The following SBF2 variants were observed in gnomAD, a reference collection of about 807,000 sequenced individuals.
The protein encoded by SBF2 is SET binding factor 2.
A neutral mutation model predicts 225.2 loss-of-function variants in SBF2; 112 were observed. That is an observed-to-expected ratio of 0.50 (90% CI 0.43 to 0.58). The LOEUF (loss-of-function observed/expected upper bound fraction) is 0.58. Among genes scored for constraint, SBF2 ranks in the 20% least tolerant of loss-of-function variants. The pLI, the probability that SBF2 is intolerant of heterozygous loss-of-function variation, is 0.00. For synonymous variants in SBF2, 763 were observed against 773.3 expected (o/e 0.99, Z 0.22); for missense variants, 1,996 against 2,206.2 (o/e 0.90, Z 1.91).
chr11:9,895,017 C>A (rs1590359317), intron 17 of SBF2, among the ~76,000 whole-genome samples: 2 of 152,056 alleles, frequency 1.3e-5, no homozygotes, highest in African/African-American at 4.8e-5. Flanking sequence ...AACAAAATTT[C>A]TCTGTTCAAA....
intron 17 of SBF2, among the ~76,000 whole-genome samples, chr11:9,882,045 C>T (rs541209741): frequency 7.2e-5 from 11 of 152,256 alleles, no homozygotes; most frequent in Non-Finnish European, 5.9e-5. Flanking sequence ...CCTTGTAACA[C>T]CACAGATCTT....
rs188449507 is a variant in SBF2, at chr11:10,190,108, G to A, written c.141+3794C>T. On this transcript the variant is annotated intron_variant, in intron 2 of 39. Transcript: ENST00000256190. ...AGAGGCTGCAGTGAGCCAAGATTGC[G>A]CCACTGCACTCCAGCCTGGGCAACA... is the stretch of plus-strand genomic sequence containing the variant. Among the ~76,000 whole-genome samples, 492 of 150,988 alleles carry A rather than the reference G, an allele frequency of 3.3e-3. 2 individuals carry two copies. Among genetic ancestry groups the A allele is most frequent in the East Asian group, 0.014 (69 of 5,104 alleles).
At chr11:9,790,443 T>A in intron 34 of SBF2, 113 bp downstream of exon 34, 1 of 885,582 alleles carries the variant, frequency 1.1e-6, no homozygotes, top group Non-Finnish European at 1.7e-6. Context: ...CTTTTTGGTA[T>A]GAAACCTAGT....
intron 2 of SBF2, among the ~76,000 whole-genome samples, chr11:10,075,197 T>C (rs1462314784): frequency 6.6e-6 from 1 of 152,238 alleles, no homozygotes; most frequent in African/African-American, 2.4e-5. Flanking sequence ...ATAATTTTGG[T>C]AAATTACCTA....
At chr11:9,992,851 A>C (rs183960176) in intron 11 of SBF2, 139 bp downstream of exon 11, 1 of 646,580 alleles carries the variant, frequency 1.5e-6, no homozygotes, top group Admixed American at 3.0e-5. Flanking sequence ...TTAAGAACTG[A>C]TATCTAACCA....
At chr11:9,980,858 G>T (rs886641208) in intron 13 of SBF2, among the ~76,000 whole-genome samples, 8 of 152,210 alleles carry the variant, frequency 5.3e-5, no homozygotes, top group Admixed American at 2.6e-4. Context: ...GAGCCACTGC[G>T]CCCAGCAATA....
At chr11:10,002,360 T>C (rs1164764034) in intron 7 of SBF2, among the ~76,000 whole-genome samples, 197 bp downstream of exon 7, 1 of 152,190 alleles carries the variant, frequency 6.6e-6, no homozygotes, top group Admixed American at 6.5e-5. Context: ...TTTACACTAA[T>C]CAACATTCAG....
chr11:10,157,266 C>T (rs192834957), intron 2 of SBF2, among the ~76,000 whole-genome samples: 6 of 152,250 alleles, frequency 3.9e-5, no homozygotes, highest in Non-Finnish European at 8.8e-5. Context: ...CAAAAATTAA[C>T]TCAAGATGGA....
chr11:9,828,879 C>T (rs534418690), intron 28 of SBF2, among the ~76,000 whole-genome samples: 1 of 149,482 alleles, frequency 6.7e-6, no homozygotes, highest in Admixed American at 6.6e-5. Context: ...CACTTCCTCT[C>T]CAATTACTCT....
At chr11:9,946,729 C>G (rs1215752075) in intron 16 of SBF2, among the ~76,000 whole-genome samples, 1 of 152,190 alleles carries the variant, frequency 6.6e-6, no homozygotes, top group East Asian at 1.9e-4. Flanking sequence ...GGATTACAGG[C>G]TTGAGCCACT....
intron 16 of SBF2, among the ~76,000 whole-genome samples, chr11:9,920,750 A>T (rs1239353821): frequency 6.6e-6 from 1 of 152,308 alleles, no homozygotes; most frequent in African/African-American, 2.4e-5. Flanking sequence ...TGGATATTAA[A>T]TTGCAATGTG....
At chr11:9,835,814 T>C (rs1288242327) in intron 26 of SBF2, among the ~76,000 whole-genome samples, 1 of 152,146 alleles carries the variant, frequency 6.6e-6, no homozygotes, top group Non-Finnish European at 1.5e-5. Flanking sequence ...TTGTTCATTT[T>C]CATTACTGTA....
At chr11:10,080,248 C>CAAA (rs34181436) in intron 2 of SBF2, among the ~76,000 whole-genome samples, 43 of 82,090 alleles carry the variant, frequency 5.2e-4, no homozygotes, top group South Asian at 4.7e-3. Context: ...AACTCTGTCT[C>CAAA]AAAAAAAAAA....
intron 1 of SBF2, among the ~76,000 whole-genome samples, chr11:10,230,294 C>G (rs7928530): frequency 6.6e-6 from 1 of 151,968 alleles, no homozygotes; most frequent in Non-Finnish European, 1.5e-5. Context: ...TTAATTGGAG[C>G]ATTTAGACCA....
At chr11:10,282,497 T>C (rs1291110544) in intron 1 of SBF2, among the ~76,000 whole-genome samples, 1 of 152,150 alleles carries the variant, frequency 6.6e-6, no homozygotes, top group Non-Finnish European at 1.5e-5. Context: ...TTATAGACCA[T>C]CACCTTTCAC....
chr11:10,231,855 G>T (rs1335378727), intron 1 of SBF2, among the ~76,000 whole-genome samples: 3 of 152,200 alleles, frequency 2.0e-5, no homozygotes, highest in African/African-American at 7.2e-5. Flanking sequence ...GGACATTTAG[G>T]TCTGCAGAGG....
chr11:10,039,037 C>T (rs1372025694), intron 3 of SBF2, among the ~76,000 whole-genome samples: 2 of 151,616 alleles, frequency 1.3e-5, no homozygotes, highest in Non-Finnish European at 3.0e-5. Flanking sequence ...AAGTTTAATG[C>T]CAAGTTTTGC....
Position 9,865,147 on chromosome 11 carries a change from T to C in SBF2, c.1930-6751A>G, listed in dbSNP as rs192260255. ...CCTAGGCTGGACAACTTTATACAAG[T>C]AGTACAATGTTGTGTTTCATTCTGC... On this transcript the variant is annotated intron_variant, in intron 17 of 39. Coordinates refer to ENST00000256190, the MANE Select transcript of SBF2 (RefSeq NM_030962.4). Among the ~76,000 whole-genome samples the C allele has an allele frequency of 1.6e-3, 250 of 152,326 alleles. 3 individuals are homozygous for C. The highest frequency in any genetic ancestry group is 8.3e-3 in the South Asian group (40 of 4,830).
chr11:10,265,107 T>C (rs772154505), intron 1 of SBF2, among the ~76,000 whole-genome samples: 2 of 152,152 alleles, frequency 1.3e-5, no homozygotes, highest in South Asian at 2.1e-4. Flanking sequence ...AGTAACAGGA[T>C]TGCTAGGTCA....
Sources: allele counts gnomAD v4.1 joint callset (sites outside exome capture counted in the v4.1 genomes callset), GRCh38; gene constraint gnomAD v4.1.1; transcripts MANE v1.5; gene names NCBI Gene and HGNC (gene_info 2026-07-23, HGNC 2026-07-21).